Variants in IBTK observed in about 807,000 individuals in gnomAD.
IBTK encodes the protein inhibitor of Bruton tyrosine kinase.
IBTK carries 83 observed loss-of-function variants against 154.9 expected under a neutral mutation model. The observed-to-expected ratio is 0.54, with a 90% CI of 0.45 to 0.64. The LOEUF is 0.64. Ranked by LOEUF, IBTK falls within the 30% of genes least tolerant of loss-of-function variation. The pLI, the probability that IBTK is intolerant of heterozygous loss-of-function variation, is 0.00. For missense variants in IBTK, 1,332 were observed against 1,584.6 expected (o/e 0.84, Z 2.71); for synonymous variants, 515 against 536.1 (o/e 0.96, Z 0.54).
rs1768310095 is a variant in IBTK, at chr6:82,181,314, TGATGTG to T, written c.3725+559_3725+564del. On this transcript the variant is annotated intron_variant, in intron 26 of 28. Coordinates refer to ENST00000306270, the MANE Select transcript of IBTK (RefSeq NM_015525.4). The stretch of plus-strand genomic sequence containing the variant: ...TCAACAGATGCACAGATAAACACAT[TGATGTG>T]GTATACCCATACAATGAAATACTAT... Among the ~76,000 whole-genome samples, 4 of 152,292 alleles carry T rather than the reference TGATGTG, an allele frequency of 2.6e-5. No individual in the cohort carries two copies. The South Asian group carries it at 8.3e-4, about 32-fold the overall frequency.
intron 27 of IBTK, chr6:82,172,951 T>G (rs995440455): frequency 5.3e-6 from 1 of 189,996 alleles, no homozygotes; most frequent in Non-Finnish European, 1.1e-5. Context: ...AAGTAATACA[T>G]TCTACTCAAT....
At chr6:82,236,021 G>A (rs542903379) in intron 2 of IBTK, among the ~76,000 whole-genome samples, 6 of 152,246 alleles carry the variant, frequency 3.9e-5, no homozygotes, top group Non-Finnish European at 7.4e-5. Flanking sequence ...TTACAGGCAT[G>A]TGCCACCACG....
chr6:82,193,784 C>T (rs947418170), intron 23 of IBTK, among the ~76,000 whole-genome samples: 8 of 152,024 alleles, frequency 5.3e-5, no homozygotes, highest in African/African-American at 9.7e-5. Flanking sequence ...CGGGTTCAAA[C>T]GATTCTCCCA....
intron 2 of IBTK, among the ~76,000 whole-genome samples, chr6:82,235,243 G>A (rs1770671422): frequency 6.6e-6 from 1 of 152,052 alleles, no homozygotes; most frequent in African/African-American, 2.4e-5. Context: ...CCTAGCTCTG[G>A]GTTTGTGTCT....
Position 82,247,664 on chromosome 6 carries a change from A to G in IBTK, c.-460T>C. The G allele has an allele frequency of 5.0e-6, 2 of 398,890 alleles. No homozygotes were observed. Among genetic ancestry groups the G allele is most frequent in the South Asian group, 2.5e-4 (2 of 7,870 alleles). 24.7% of individuals were successfully genotyped at this position (398,890 alleles called of 1,614,324 possible). The stretch of plus-strand genomic sequence containing the variant: ...GCAATAAGAGAAACCGAACGGCGCC[A>G]GAGGGGCCAGTCCCCAGACCCGGGT... On this transcript the variant is annotated 5_prime_UTR_variant, in exon 1 of 29. Transcript: ENST00000306270.
rs1365737118 is a variant in IBTK at position 82,214,571 on chromosome 6, T to C, written c.1860A>G (p.Val620=). The change falls in exon 12 of 29, where the codon GTA becomes GTG. Residue 620 remains valine (V), a synonymous_variant. Coordinates refer to ENST00000306270, the MANE Select transcript of IBTK (RefSeq NM_015525.4). Reference sequence around the variant, plus strand: ...CAAACATGTCAGGATGAACCTTCTCTACCACAAAGAGATGGCACCCTGCAG... The same window carrying C: ...CAAACATGTCAGGATGAACCTTCTCCACCACAAAGAGATGGCACCCTGCAG... The part of the protein sequence containing the change: ...EDSAGCHLFV[V]EKVHPDMFEY... 6 of 1,614,020 alleles carry C rather than the reference T, an allele frequency of 3.7e-6. No homozygotes were observed. The highest frequency in any genetic ancestry group is 2.2e-5 in the East Asian group (1 of 44,874).
intron 18 of IBTK, among the ~76,000 whole-genome samples, chr6:82,202,182 A>C (rs2127808513): frequency 6.6e-6 from 1 of 152,292 alleles, no homozygotes; most frequent in South Asian, 2.1e-4. Context: ...AAATAAACTA[A>C]ACAATGAAGC....
Position 82,220,711 on chromosome 6 carries a change from T to A in IBTK, c.1127A>T (p.Gln376Leu), listed in dbSNP as rs1209239600. ...CACAAGAACTTTTTTCAAGTTCAACTGTCTAGATGAAAAAAAAAAAAATCC... is the reference window on the plus strand; with the variant it reads ...CACAAGAACTTTTTTCAAGTTCAACAGTCTAGATGAAAAAAAAAAAAATCC... Reference protein sequence around the residue: ...DYQCKKMASKQLNLKKVLVSG... With the variant: ...DYQCKKMASKLLNLKKVLVSG... The change falls in exon 9 of 29, where the codon CAG becomes CTG. Residue 376 changes from glutamine to leucine, a missense_variant and splice_region_variant. Physicochemically the swap from Gln to Leu is moderately radical, Grantham distance 113 (BLOSUM62 -2). Around this residue, in one of 3 missense-constraint regions of IBTK, gnomAD observed 1,134 missense variants for 1,274.7 expected, o/e 0.89. Coordinates refer to ENST00000306270, the MANE Select transcript of IBTK (RefSeq NM_015525.4). The A allele has an allele frequency of 6.4e-7, 1 of 1,566,066 alleles. No individual in the cohort carries two copies. The highest frequency in any genetic ancestry group is 8.6e-7 in the Non-Finnish European group (1 of 1,163,978).
At chr6:82,190,861 T>C (rs1041176213) in intron 25 of IBTK, among the ~76,000 whole-genome samples, 4 of 152,012 alleles carry the variant, frequency 2.6e-5, no homozygotes, top group African/African-American at 9.7e-5. Flanking sequence ...ATGACTTGTA[T>C]GTCAAAACAC....
intron 24 of IBTK, chr6:82,191,474 CA>C (rs2127802986): frequency 1.8e-6 from 1 of 556,476 alleles, no homozygotes; most frequent in Non-Finnish European, 3.2e-6. Context: ...CAACATATCA[CA>C]AATTTCAAAA....
rs11422131 is a variant in IBTK at position 82,197,373 on chromosome 6, A to ATT, written c.3026-929_3026-928dup. ...TTTTTTTGCCACACAATCTTTTTGA[A>ATT]TTTTTTTTTTTTTTTGAGACAGAGT... On this transcript the variant is annotated intron_variant, in intron 21 of 28. Transcript: ENST00000306270. Among the ~76,000 whole-genome samples, 190 of 138,400 alleles carry ATT rather than the reference A, an allele frequency of 1.4e-3. 3 individuals carry two copies. The highest frequency in any genetic ancestry group is 3.7e-3 in the Middle Eastern group (1 of 268). 90.8% of individuals were successfully genotyped at this position (138,400 alleles called of 152,430 possible).
intron 8 of IBTK, among the ~76,000 whole-genome samples, chr6:82,221,952 G>A (rs1192293409): frequency 1.3e-5 from 2 of 152,090 alleles, no homozygotes; most frequent in African/African-American, 2.4e-5. Flanking sequence ...ATCACCTGAG[G>A]TCAGGAGTTC....
intron 16 of IBTK, 77 bp downstream of exon 16, chr6:82,210,737 A>T: frequency 1.7e-6 from 1 of 573,738 alleles, no homozygotes. Flanking sequence ...TTTCTATTAG[A>T]AATTAAGATT....
At chr6:82,207,167 T>A (rs1483444473) in intron 16 of IBTK, among the ~76,000 whole-genome samples, 1 of 152,166 alleles carries the variant, frequency 6.6e-6, no homozygotes, top group Non-Finnish European at 1.5e-5. Context: ...GCAGATGACA[T>A]GATCTTGCAT....
chr6:82,232,580 G>A (rs1279125420), intron 3 of IBTK, among the ~76,000 whole-genome samples: 1 of 152,186 alleles, frequency 6.6e-6, no homozygotes, highest in African/African-American at 2.4e-5. Flanking sequence ...TACAGAATGT[G>A]TCCTTACTCA....
At position 82,200,159 on chromosome 6, in the gene IBTK, GAAT is replaced by G; in HGVS notation, c.3004_3006del (p.Ile1002del). 6.2e-7 allele frequency: 1 copy of G among 1,606,916 alleles called. No individual in the cohort carries two copies. Among genetic ancestry groups the G allele is most frequent in the Non-Finnish European group, 8.5e-7 (1 of 1,175,066 alleles). On this transcript the variant is annotated inframe_deletion, in exon 21 of 29. Transcript: ENST00000306270. Reference sequence around the variant, plus strand: ...CACGAACCTGTAGATGATGGACTCTGAATAATATCTGAAAGGTTATAACCTCCA... The same window carrying G: ...CACGAACCTGTAGATGATGGACTCTGAATATCTGAAAGGTTATAACCTCCA...
At chr6:82,214,915 A>G in intron 11 of IBTK, 86 bp from the exon 12 acceptor site, 1 of 1,391,486 alleles carries the variant, frequency 7.2e-7, no homozygotes, top group Non-Finnish European at 9.6e-7. Context: ...TTTAAAATGC[A>G]ATTTTTTTAA....
At position 82,234,190 on chromosome 6, in the gene IBTK, A is replaced by G. The variant is rs778838029; in HGVS notation, c.387T>C (p.Asp129=). 1.7e-5 allele frequency: 27 copies of G among 1,603,500 alleles called. No individual in the cohort carries two copies. In the African/African-American group the frequency reaches 3.3e-4, roughly 20 times the overall value. Residue 129 remains aspartate, a synonymous_variant, in exon 3 of 29, where the codon GAT becomes GAC. Transcript: ENST00000306270. ...GLSALDLVMK[D]RPTHVVFKNT... ...TCTTGAATACTACATGAGTTGGTCT[A>G]TCCTTCATTACAAGATCCAAAGCTG... is the stretch of plus-strand genomic sequence containing the variant.
intron 15 of IBTK, 114 bp downstream of exon 15, chr6:82,211,253 T>C: frequency 1.3e-6 from 1 of 779,414 alleles, no homozygotes; most frequent in Non-Finnish European, 2.0e-6. Context: ...TTAATATAAA[T>C]GAAAAACTGA....
Sources: allele counts gnomAD v4.1 joint callset (sites outside exome capture counted in the v4.1 genomes callset), GRCh38; gene constraint gnomAD v4.1.1; regional missense constraint gnomAD v4.1.1; transcripts MANE v1.5; gene names NCBI Gene and HGNC (gene_info 2026-07-23, HGNC 2026-07-21).